The following ADAM12 variants were observed in gnomAD, a reference collection of about 807,000 sequenced individuals.
The protein encoded by ADAM12 is ADAM metallopeptidase domain 12.
In ADAM12, 70 loss-of-function variants were observed where a neutral mutation model predicts 106.4. The ratio of observed to expected loss-of-function variants is 0.66; its 90% confidence interval spans 0.54 to 0.80. The LOEUF is 0.80. Ranked by LOEUF, ADAM12 falls within the 30% of genes least tolerant of loss-of-function variation. The pLI, the probability that ADAM12 is intolerant of heterozygous loss-of-function variation, is 0.00. For synonymous variants in ADAM12, 420 were observed against 433.5 expected (o/e 0.97, Z 0.39); for missense variants, 1,010 against 1,171.9 (o/e 0.86, Z 2.02).
At chr10:126,290,833 T>G (rs1447882282) in intron 2 of ADAM12, among the ~76,000 whole-genome samples, 1 of 152,222 alleles carries the variant, frequency 6.6e-6, no homozygotes, top group African/African-American at 2.4e-5. Context: ...GAAGAGGCTC[T>G]TACGTACTAT....
At chr10:126,051,580 TCCATCCATCCAG>T (rs1954497543) in intron 14 of ADAM12, among the ~76,000 whole-genome samples, 36 of 100,964 alleles carry the variant, frequency 3.6e-4, no homozygotes, top group African/African-American at 1.7e-3. Context: ...CATCCATCCA[TCCATCCATCCAG>T]CCAGCCAGCC....
intron 3 of ADAM12, among the ~76,000 whole-genome samples, chr10:126,221,541 C>T (rs1200058762): frequency 1.3e-5 from 2 of 152,076 alleles, no homozygotes; most frequent in Non-Finnish European, 2.9e-5. Context: ...TTTAACATAG[C>T]GAGCTTCTAC....
rs145762137 is a variant in ADAM12 at position 126,084,748 on chromosome 10, G to T, written c.1145+9237C>A. ...ATGTGGAACTCAAGAATGGGAAAGA[G>T]CTGTCCCTCTCAACCCTCCCCATCC... On this transcript the variant is annotated intron_variant, in intron 11 of 22. Transcript: ENST00000448723. Among the ~76,000 whole-genome samples the T allele has an allele frequency of 3.4e-3, 514 of 152,294 alleles. 3 individuals are homozygous for T. Among genetic ancestry groups the T allele is most frequent in the African/African-American group, 0.012 (484 of 41,554 alleles).
At chr10:126,303,071 G>T (rs1960692655) in intron 2 of ADAM12, among the ~76,000 whole-genome samples, 1 of 152,138 alleles carries the variant, frequency 6.6e-6, no homozygotes, top group South Asian at 2.1e-4. Context: ...AGGGAGACAG[G>T]ACTGATTTGA....
chr10:126,279,015 T>G (rs559585575), intron 2 of ADAM12, 27 bp from the exon 3 acceptor site: 1 of 1,577,114 alleles, frequency 6.3e-7, no homozygotes, highest in Non-Finnish European at 8.7e-7. Flanking sequence ...AAAAGTCAGT[T>G]GAAAAACGCT....
rs537663382 is a variant in ADAM12, at chr10:126,364,896, G to A, written c.88+23162C>T. On this transcript the variant is annotated intron_variant, in intron 1 of 22. Coordinates refer to ENST00000448723, the MANE Select transcript of ADAM12 (RefSeq NM_001288973.2). Reference sequence around the variant, plus strand: ...TGAATTTCCATTAGATTAATATTCCGGGCCTCCCTCCCTTCCCCTAACTCC... The same window carrying A: ...TGAATTTCCATTAGATTAATATTCCAGGCCTCCCTCCCTTCCCCTAACTCC... Among the ~76,000 whole-genome samples, 184 of 152,044 alleles carry A rather than the reference G, an allele frequency of 1.2e-3. 1 individual carries two copies. Among genetic ancestry groups the A allele is most frequent in the African/African-American group, 4.0e-3 (164 of 41,460 alleles).
At position 126,053,332 on chromosome 10, in the gene ADAM12, G is replaced by A. The variant is rs1024547863; in HGVS notation, c.1610-3663C>T. Among the ~76,000 whole-genome samples the A allele has an allele frequency of 3.3e-5, 5 of 152,084 alleles. No homozygotes were observed. The highest frequency in any genetic ancestry group is 7.4e-5 in the Non-Finnish European group (5 of 68,024). Reference sequence around the variant, plus strand: ...CAGTGTGAGAACAGACTAATACAGGGTGTGCTTATGATTGTAATGCCCCAA... The same window carrying A: ...CAGTGTGAGAACAGACTAATACAGGATGTGCTTATGATTGTAATGCCCCAA... On this transcript the variant is annotated intron_variant, in intron 14 of 22. Coordinates refer to ENST00000448723, the MANE Select transcript of ADAM12 (RefSeq NM_001288973.2). The surrounding 1 kb of genome is among the most constrained non-coding windows in gnomAD (Gnocchi z 4.6).
intron 8 of ADAM12, among the ~76,000 whole-genome samples, chr10:126,103,566 T>C (rs1955707698): frequency 6.6e-6 from 1 of 152,218 alleles, no homozygotes; most frequent in African/African-American, 2.4e-5. Flanking sequence ...TGCAACTCCA[T>C]GGCTGGGGTT....
chr10:126,029,777 T>C (rs1953942356), intron 21 of ADAM12, among the ~76,000 whole-genome samples: 1 of 152,220 alleles, frequency 6.6e-6, no homozygotes, highest in Non-Finnish European at 1.5e-5. Flanking sequence ...GAAAAGGTAT[T>C]TCATCTCACT....
intron 5 of ADAM12, among the ~76,000 whole-genome samples, chr10:126,124,497 C>T (rs1956167032): frequency 6.6e-6 from 1 of 152,074 alleles, no homozygotes; most frequent in South Asian, 2.1e-4. Flanking sequence ...ATACAAAGAC[C>T]CCTTGCCCGT....
At position 126,321,903 on chromosome 10, in the gene ADAM12, G is replaced by GT. The variant is rs1369650407; in HGVS notation, c.186+8508dup. 7.9e-3 allele frequency among the ~76,000 whole-genome samples: 1,042 copies of GT among 131,120 alleles called. 14 individuals carry two copies. Among genetic ancestry groups the GT allele is most frequent in the African/African-American group, 0.026 (989 of 37,404 alleles). The allele number at this position is 131,120 out of a possible 152,430, so 86.0% of individuals were successfully genotyped here. A position where few individuals can be genotyped will look rare whatever the true frequency, so the allele number is the denominator to read the frequency against. On this transcript the variant is annotated intron_variant, in intron 2 of 22. Transcript: ENST00000448723. The stretch of plus-strand genomic sequence containing the variant: ...TTCTCGCTTAACTTTCTACCTGGGG[G>GT]TCGGGGGGGGGGCTTCAGCAACCTC...
chr10:126,066,707 G>T lies in ADAM12; in HGVS notation c.1413+10C>A. The T allele has an allele frequency of 6.2e-7, 1 of 1,613,840 alleles. No individual in the cohort carries two copies. Among genetic ancestry groups the T allele is most frequent in the Non-Finnish European group, 8.5e-7 (1 of 1,179,754 alleles). On this transcript the variant is annotated intron_variant, in intron 13 of 22. Coordinates refer to ENST00000448723, the MANE Select transcript of ADAM12 (RefSeq NM_001288973.2). The surrounding 1 kb of genome is among the most constrained non-coding windows in gnomAD (Gnocchi z 5.1). ...GACCTGGGGGTCAAGTTGTAGCTCC[G>T]GTGACTCACCTGGCAGTCTTCACAG...
At chr10:126,252,427 G>A (rs1958804918) in intron 3 of ADAM12, among the ~76,000 whole-genome samples, 1 of 152,290 alleles carries the variant, frequency 6.6e-6, no homozygotes, top group Middle Eastern at 3.4e-3. Flanking sequence ...GCATATCTCA[G>A]TCCAAGTTCA....
intron 9 of ADAM12, 104 bp downstream of exon 9, chr10:126,100,968 T>C: frequency 2.4e-6 from 3 of 1,258,654 alleles, no homozygotes; most frequent in Non-Finnish European, 3.3e-6. Context: ...CAAGGCAGTG[T>C]GCTCTGCAGA....
chr10:126,066,932 A>C lies in ADAM12; in HGVS notation c.1324-126T>G, dbSNP rs1378550565. ...CAAGAGGGCCCAGCTCCTGAACTGC[A>C]CACCTGCCTGTTTCCGTCTGTTAGG... On this transcript the variant is annotated intron_variant, in intron 12 of 22. Coordinates refer to ENST00000448723, the MANE Select transcript of ADAM12 (RefSeq NM_001288973.2). The surrounding 1 kb of genome is among the most constrained non-coding windows in gnomAD (Gnocchi z 5.1). 1 of 843,202 alleles carries C rather than the reference A, an allele frequency of 1.2e-6. No individual in the cohort carries two copies. Among genetic ancestry groups the C allele is most frequent in the African/African-American group, 1.7e-5 (1 of 59,244 alleles). The allele number at this position is 843,202 out of a possible 1,614,324, so 52.2% of individuals were successfully genotyped here.
intron 19 of ADAM12, 65 bp from the exon 20 acceptor site, chr10:126,038,414 C>T (rs1954097279): frequency 3.8e-6 from 5 of 1,324,832 alleles, no homozygotes; most frequent in Non-Finnish European, 5.1e-6. Flanking sequence ...TGACTTTTTA[C>T]ACTTTGCTCA....
In ADAM12 at chr10:126,269,556, C is replaced by T. The variant is rs563236732; in HGVS notation, c.260+9359G>A. Among the ~76,000 whole-genome samples the T allele has an allele frequency of 2.0e-4, 31 of 152,250 alleles. No homozygotes were observed. The East Asian group carries it at 5.6e-3, about 27-fold the overall frequency. Reference sequence around the variant, plus strand: ...AGTATCTGCACGTAACCATCCCGGTCGCACCAGGAGAGGGAAGGTGCAATG... The same window carrying T: ...AGTATCTGCACGTAACCATCCCGGTTGCACCAGGAGAGGGAAGGTGCAATG... On this transcript the variant is annotated intron_variant, in intron 3 of 22. Coordinates refer to ENST00000448723, the MANE Select transcript of ADAM12 (RefSeq NM_001288973.2).
At chr10:126,074,913 T>C (rs918044873) in intron 11 of ADAM12, among the ~76,000 whole-genome samples, 1 of 152,070 alleles carries the variant, frequency 6.6e-6, no homozygotes, top group African/African-American at 2.4e-5. Flanking sequence ...GCCTTCCAGG[T>C]CAGGACAATT....
At chr10:126,194,249 G>T (rs1957557209) in intron 3 of ADAM12, among the ~76,000 whole-genome samples, 1 of 131,186 alleles carries the variant, frequency 7.6e-6, no homozygotes, top group African/African-American at 3.0e-5. Context: ...CTTGCCAGCA[G>T]TCACAGACAT....
Sources: gnomAD v4.1 joint callset for allele counts (sites outside exome capture counted in the v4.1 genomes callset) on GRCh38, gnomAD v4.1.1 for gene constraint, Gnocchi (gnomAD v3.1) non-coding constraint, MANE v1.5 for transcripts, NCBI Gene and HGNC (gene_info 2026-07-23, HGNC 2026-07-21) for gene names.